Variants in REPS2 observed in about 807,000 individuals in gnomAD.
REPS2 encodes the protein RALBP1 associated Eps domain containing 2.
A neutral mutation model predicts 53.6 loss-of-function variants in REPS2; 23 were observed. The observed-to-expected ratio is 0.43, with a 90% CI of 0.31 to 0.61. The LOEUF (loss-of-function observed/expected upper bound fraction) is 0.61, where lower values mean the gene tolerates loss of function less well. Among genes scored for constraint, REPS2 ranks in the 20% least tolerant of loss-of-function variants. The probability of loss-of-function intolerance (pLI) is 0.11; values close to 1 mark genes in which losing one functional copy is unlikely to be tolerated. For missense variants in REPS2, 446 were observed against 534.9 expected (o/e 0.83, Z 1.64); for synonymous variants, 238 against 218.6 (o/e 1.09, Z -0.78).
intron 14 of REPS2, among the ~76,000 whole-genome samples, chrX:17,133,584 C>G (rs2063323115): frequency 9.0e-6 from 1 of 111,483 alleles, no homozygotes; most frequent in Non-Finnish European, 1.9e-5. Context: ...TGTTCAATTA[C>G]AGAAGAAATT....
intron 2 of REPS2, among the ~76,000 whole-genome samples, chrX:17,011,966 A>G (rs1299886817): frequency 9.2e-6 from 1 of 109,172 alleles, no homozygotes; most frequent in Non-Finnish European, 1.9e-5. Flanking sequence ...TATCTCAAAA[A>G]AAAAAAAAAA....
the REPS2 span, among the ~76,000 whole-genome samples, chrX:17,172,120 T>C: frequency 2.2e-3 from 245 of 112,013 alleles, 1 homozygote; most frequent in African/African-American, 7.6e-3. Flanking sequence ...ATTTGCCCAA[T>C]TTAAGAAAAT....
At chrX:17,077,485 G>C in intron 13 of REPS2, 78 bp downstream of exon 13, 1 of 1,018,086 alleles carries the variant, frequency 9.8e-7, no homozygotes, top group Middle Eastern at 3.0e-4. Flanking sequence ...AGTGGCCTCT[G>C]TGAGTCCGGA....
intron 2 of REPS2, among the ~76,000 whole-genome samples, chrX:17,016,428 CAG>C (rs754676018): frequency 8.9e-6 from 1 of 112,107 alleles, no homozygotes; most frequent in Admixed American, 9.5e-5. Context: ...ATTTTTGAGA[CAG>C]AGTCTCACTC....
chrX:17,146,088 G>A (rs1429395992), intron 17 of REPS2, among the ~76,000 whole-genome samples: 5 of 103,188 alleles, frequency 4.8e-5, no homozygotes, highest in African/African-American at 1.1e-4. Context: ...CAGCCTGGGC[G>A]ACAGAGTGAG....
chrX:17,163,561 TAAAG>T, the REPS2 span, among the ~76,000 whole-genome samples: 3 of 111,679 alleles, frequency 2.7e-5, no homozygotes, highest in African/African-American at 9.7e-5. Flanking sequence ...AAATCAAAGG[TAAAG>T]AAAGAATCTT....
chrX:17,096,678 AAAAAGAAAAG>A (rs1285522314), intron 13 of REPS2, among the ~76,000 whole-genome samples: 1 of 83,419 alleles, frequency 1.2e-5, no homozygotes, highest in Non-Finnish European at 2.2e-5. Context: ...AAAAAAAAAA[AAAAAGAAAAG>A]AAAAGAGGAA....
intron 13 of REPS2, among the ~76,000 whole-genome samples, chrX:17,079,033 A>G (rs1330692251): frequency 2.7e-5 from 3 of 112,109 alleles, no homozygotes; most frequent in African/African-American, 9.7e-5. Context: ...CAGGCTTTGG[A>G]TATTTTTGGA....
chrX:17,077,252 T>A lies in REPS2; in HGVS notation c.1380-19T>A. The A allele has an allele frequency of 8.6e-7, 1 of 1,158,740 alleles. No individual in the cohort carries two copies. Among genetic ancestry groups the A allele is most frequent in the South Asian group, 2.1e-5 (1 of 48,744 alleles). ...AAGCTTTGCTATTTCGCTTCTGACCTTCCCTTATTTTGCTACAGATCTTAC... is the reference window on the plus strand; with the variant it reads ...AAGCTTTGCTATTTCGCTTCTGACCATCCCTTATTTTGCTACAGATCTTAC... On this transcript the variant is annotated intron_variant, in intron 12 of 17. Coordinates refer to ENST00000357277, the MANE Select transcript of REPS2 (RefSeq NM_004726.3).
chrX:17,001,524 G>A (rs1272462903), intron 1 of REPS2, among the ~76,000 whole-genome samples: 2 of 112,267 alleles, frequency 1.8e-5, no homozygotes, highest in African/African-American at 3.2e-5. Flanking sequence ...AGAACCAAGG[G>A]GGATTGTTCT....
At chrX:16,965,882 C>T (rs991234038) in intron 1 of REPS2, among the ~76,000 whole-genome samples, 2 of 112,782 alleles carry the variant, frequency 1.8e-5, no homozygotes, top group African/African-American at 3.2e-5. Flanking sequence ...CCGAGGCTGG[C>T]GGGTCACTCG....
At chrX:17,041,297 G>A (rs1228617554) in intron 5 of REPS2, among the ~76,000 whole-genome samples, 1 of 111,371 alleles carries the variant, frequency 9.0e-6, no homozygotes, top group East Asian at 2.8e-4. Context: ...TGGTTGGGCA[G>A]CCACTTAGTG....
At chrX:17,158,943 G>A in the REPS2 span, among the ~76,000 whole-genome samples, 1 of 112,265 alleles carries the variant, frequency 8.9e-6, no homozygotes, top group Non-Finnish European at 1.9e-5. Flanking sequence ...CAACAATGTA[G>A]ACCTCTGTTT....
At chrX:16,983,849 T>C (rs891972352) in intron 1 of REPS2, among the ~76,000 whole-genome samples, 1 of 112,453 alleles carries the variant, frequency 8.9e-6, no homozygotes, top group Non-Finnish European at 1.9e-5. Context: ...TGAAGTTAAG[T>C]AATTTGACCA....
intron 13 of REPS2, among the ~76,000 whole-genome samples, chrX:17,091,886 G>C (rs985430753): frequency 8.9e-6 from 1 of 112,089 alleles, no homozygotes; most frequent in African/African-American, 3.2e-5. Flanking sequence ...AAGAGGAATG[G>C]TCCTTACTGA....
chrX:17,017,276 A>G (rs1225284298), intron 2 of REPS2, among the ~76,000 whole-genome samples: 1 of 112,261 alleles, frequency 8.9e-6, no homozygotes, highest in Admixed American at 9.5e-5. Context: ...CTGGCTCAAT[A>G]TATTCTTAAA....
chrX:17,036,908 G>A (rs2061772571), intron 5 of REPS2, among the ~76,000 whole-genome samples: 1 of 110,057 alleles, frequency 9.1e-6, no homozygotes, highest in Non-Finnish European at 1.9e-5. Context: ...AGGTATGTAT[G>A]TGCCTTATTC....
intron 1 of REPS2, among the ~76,000 whole-genome samples, chrX:16,977,348 C>G (rs2060967613): frequency 9.0e-6 from 1 of 110,793 alleles, no homozygotes; most frequent in Non-Finnish European, 1.9e-5. Flanking sequence ...GAAGGACTTT[C>G]ATTCACTTTC....
the REPS2 span, among the ~76,000 whole-genome samples, chrX:17,181,424 C>G: frequency 1.1e-4 from 12 of 112,173 alleles, no homozygotes; most frequent in Non-Finnish European, 1.7e-4. Context: ...CAAAAAGTGC[C>G]TGCATAATGG....
Sources: gnomAD v4.1 joint callset for allele counts (sites outside exome capture counted in the v4.1 genomes callset) on GRCh38, gnomAD v4.1.1 for gene constraint, MANE v1.5 for transcripts, NCBI Gene and HGNC (gene_info 2026-07-23, HGNC 2026-07-21) for gene names.